PHKA2: variants seen among roughly 807,000 people sequenced by gnomAD.
PHKA2 encodes phosphorylase b kinase regulatory subunit alpha, liver isoform.
In PHKA2, 31 loss-of-function variants were observed where a neutral mutation model predicts 102.0. That is an observed-to-expected ratio of 0.30 (90% confidence interval 0.23 to 0.41). The LOEUF (loss-of-function observed/expected upper bound fraction) is 0.41. PHKA2 is among the 10% of genes least tolerant of loss of function. The probability of loss-of-function intolerance (pLI) is 1.00; values close to 1 mark genes in which losing one functional copy is unlikely to be tolerated. For synonymous variants in PHKA2, 455 were observed against 416.2 expected (o/e 1.09, Z -1.13); for missense variants, 858 against 1,023.1 (o/e 0.84, Z 2.20).
chrX:18,895,069 G>C, intron 31 of PHKA2, 69 bp downstream of exon 31: 1 of 991,906 alleles, frequency 1.0e-6, no homozygotes, highest in Non-Finnish European at 1.4e-6. Context: ...CAAGAGGTCA[G>C]AGTCCATGCA....
chrX:18,917,338 A>T (rs2048035650), intron 19 of PHKA2, among the ~76,000 whole-genome samples: 2 of 107,082 alleles, frequency 1.9e-5, no homozygotes, highest in Admixed American at 2.0e-4. Flanking sequence ...AGCTCACTGC[A>T]ACCTCTGCTT....
intron 26 of PHKA2, among the ~76,000 whole-genome samples, chrX:18,903,324 T>C (rs2047734879): frequency 8.9e-6 from 1 of 112,579 alleles, no homozygotes; most frequent in South Asian, 3.7e-4. Flanking sequence ...GGGTTCGTCA[T>C]GACTAATGTG....
At chrX:18,909,378 C>T (rs1260783656) in intron 20 of PHKA2, among the ~76,000 whole-genome samples, 1 of 111,798 alleles carries the variant, frequency 8.9e-6, no homozygotes, top group African/African-American at 3.3e-5. Flanking sequence ...GGTATATTGA[C>T]AATTTTGAGT....
intron 11 of PHKA2, among the ~76,000 whole-genome samples, chrX:18,933,004 C>T (rs939309353): frequency 9.1e-5 from 10 of 110,312 alleles, no homozygotes; most frequent in Non-Finnish European, 1.7e-4. Context: ...ATCCCAGCTA[C>T]TCAGGAGGCT....
At position 18,924,434 on chromosome X, in the gene PHKA2, C is replaced by A. The variant is rs780786223; in HGVS notation, c.1661G>T (p.Trp554Leu). 17 of 1,210,647 alleles carry A rather than the reference C, an allele frequency of 1.4e-5. No individual in the cohort carries two copies. The highest frequency in any genetic ancestry group is 1.9e-5 in the Non-Finnish European group (17 of 894,562). ...RIELAYLCTC[W>L]RMTGRPTLTF... is the part of the protein sequence containing the mutation. ...GAGTGTGGGTCTGCCCGTCATCCTC[C>A]AGCAGGTGCACAGGTAGGCCAGCTC... is the stretch of plus-strand genomic sequence containing the variant. Residue 554 changes from tryptophan to leucine, a missense_variant, in exon 16 of 33, where the codon TGG (tryptophan) becomes TTG (leucine). Trp to Leu is a moderately conservative substitution (Grantham distance 61, BLOSUM62 -2). Transcript: ENST00000379942.
intron 32 of PHKA2, 67 bp downstream of exon 32, chrX:18,894,137 T>C: frequency 2.0e-6 from 2 of 989,331 alleles, no homozygotes; most frequent in Middle Eastern, 2.9e-4. Context: ...TTCTTTCCTA[T>C]TGGACACAGA....
In PHKA2 at chrX:18,899,288, G is replaced by A. The variant is rs1303218973; in HGVS notation, c.3058-62C>T. ...TGACACCAAGAGACACAGCAGAGAG[G>A]AGGGTCATGGAGCAGCATCCGAAAC... On this transcript the variant is annotated intron_variant, in intron 28 of 32. Coordinates refer to ENST00000379942, the MANE Select transcript of PHKA2 (RefSeq NM_000292.3). The A allele has an allele frequency of 3.4e-5, 32 of 935,085 alleles. No homozygotes were observed. The South Asian group carries it at 3.6e-4, about 10-fold the overall frequency. The allele number at this position is 935,085 out of a possible 1,213,427, so 77.1% of individuals were successfully genotyped here.
chrX:18,907,096 G>A lies in PHKA2; in HGVS notation c.2519C>T (p.Ala840Val). 8.5e-7 allele frequency: 1 copy of A among 1,176,920 alleles called. No homozygotes were observed. The highest frequency in any genetic ancestry group is 1.1e-6 in the Non-Finnish European group (1 of 874,958). ...CTGGTGCGAAAGCAGGTCTGTGCAG[G>A]CCTGCGCAGTTAAGGGGAAGGGTGA... ...LRKKVEVLAE[A>V]CTDLLSHQKQ... Residue 840 changes from alanine to valine, a missense_variant and splice_region_variant, in exon 23 of 33, where the codon GCC (alanine) becomes GTC (valine). Physicochemically the swap from Ala to Val is moderately conservative, Grantham distance 64. This residue lies in a region of PHKA2 where 671 missense variants were observed against 745.2 expected (regional missense o/e 0.90). Transcript: ENST00000379942.
At chrX:18,946,217 C>T (rs1467872328) in intron 5 of PHKA2, among the ~76,000 whole-genome samples, 7 of 111,076 alleles carry the variant, frequency 6.3e-5, no homozygotes, top group East Asian at 2.8e-4. Context: ...TATGAGCCAC[C>T]GCGCCTGGCC....
At chrX:18,914,722 C>G (rs1473301264) in intron 19 of PHKA2, among the ~76,000 whole-genome samples, 1 of 112,222 alleles carries the variant, frequency 8.9e-6, no homozygotes, top group Non-Finnish European at 1.9e-5. Context: ...GGCGTAGATA[C>G]ATTCCTTAAG....
At position 18,893,578 on chromosome X, in the gene PHKA2, C is replaced by A; in HGVS notation, c.3615G>T (p.Pro1205=). Residue 1205 remains proline (P), a synonymous_variant, in exon 33 of 33, where the codon CCG becomes CCT. Coordinates refer to ENST00000379942, the MANE Select transcript of PHKA2 (RefSeq NM_000292.3). ...AGGTCATCGTCCCATAAGCCCCACT[C>A]GGAGCGCTGTCATAAAAGAAGTGGC... The part of the protein sequence containing the change: ...GICHFFYDSA[P]SGAYGTMTYL... 8.3e-7 allele frequency: 1 copy of A among 1,211,343 alleles called. No individual in the cohort carries two copies. The highest frequency in any genetic ancestry group is 1.1e-6 in the Non-Finnish European group (1 of 894,910).
In PHKA2 at chrX:18,917,184, T is replaced by C. The variant is rs886643065; in HGVS notation, c.2137+1497A>G. Among the ~76,000 whole-genome samples, 40 of 111,054 alleles carry C rather than the reference T, an allele frequency of 3.6e-4. 1 individual carries two copies. The Admixed American group carries it at 3.8e-3, about 10-fold the overall frequency. The stretch of plus-strand genomic sequence containing the variant: ...GCCACTGTGCCTGCCCAGGTTTAGA[T>C]TTCTCAACAGCAACACCAACACACT... On this transcript the variant is annotated intron_variant, in intron 19 of 32. Transcript: ENST00000379942.
chrX:18,916,337 C>T (rs980027812), intron 19 of PHKA2, among the ~76,000 whole-genome samples: 1 of 111,661 alleles, frequency 9.0e-6, no homozygotes, highest in Non-Finnish European at 1.9e-5. Context: ...ATCGCTTGAA[C>T]CCAGGAGGCT....
rs917005199 is a variant in PHKA2 at position 18,984,054 on chromosome X, G to A, written c.-122C>T. On this transcript the variant is annotated 5_prime_UTR_variant, in exon 1 of 33. Transcript: ENST00000379942. Reference sequence around the variant, plus strand: ...CAGCCTTAGTCGGTTCTTGGGATGGGACCGGGCCGGAGGAGGTCGAGACTT... The same window carrying A: ...CAGCCTTAGTCGGTTCTTGGGATGGAACCGGGCCGGAGGAGGTCGAGACTT... 1.7e-6 allele frequency: 1 copy of A among 577,473 alleles called. No homozygotes were observed. Among genetic ancestry groups the A allele is most frequent in the African/African-American group, 2.2e-5 (1 of 45,087 alleles). The allele number at this position is 577,473 out of a possible 1,213,427, so 47.6% of individuals were successfully genotyped here.
At chrX:18,926,356 T>A (rs2048209517) in intron 14 of PHKA2, 97 bp downstream of exon 14, 2 of 730,379 alleles carry the variant, frequency 2.7e-6, no homozygotes, top group Admixed American at 4.4e-5. Flanking sequence ...TGTCCAAGTC[T>A]TTAGAACTTA....
intron 31 of PHKA2, 83 bp from the exon 32 acceptor site, chrX:18,894,487 C>CG (rs1276600607): frequency 1.1e-5 from 9 of 852,779 alleles, no homozygotes; most frequent in Non-Finnish European, 6.9e-6. Context: ...CAAGGGTGAC[C>CG]GTAGCAGTGC....
intron 31 of PHKA2, 143 bp downstream of exon 31, chrX:18,894,995 T>G (rs745899420): frequency 5.0e-6 from 3 of 601,748 alleles, no homozygotes; most frequent in Non-Finnish European, 8.7e-6. Context: ...AATATGAGGG[T>G]GAAGGGGCTA....
intron 4 of PHKA2, among the ~76,000 whole-genome samples, chrX:18,949,543 T>C (rs950215144): frequency 8.9e-6 from 1 of 111,935 alleles, no homozygotes; most frequent in African/African-American, 3.2e-5. Context: ...TTAGTTATAG[T>C]AGCAAAATAA....
At chrX:18,896,310 A>T (rs905040201) in intron 30 of PHKA2, 7 of 111,821 alleles carry the variant, frequency 6.3e-5, no homozygotes, top group Non-Finnish European at 1.1e-4. Context: ...GAAGGGAGAC[A>T]CTGGGGGGGT....
Sources: gnomAD v4.1 joint callset for allele counts (sites outside exome capture counted in the v4.1 genomes callset) on GRCh38, gnomAD v4.1.1 for gene constraint, gnomAD v4.1.1 regional missense constraint, MANE v1.5 for transcripts, NCBI Gene and HGNC (gene_info 2026-07-23, HGNC 2026-07-21) for gene names.